ABCC2: variants seen among roughly 807,000 people sequenced by gnomAD.
ABCC2 encodes the protein ATP-binding cassette sub-family C member 2.
A neutral mutation model predicts 173.4 loss-of-function variants in ABCC2; 157 were observed. The observed-to-expected ratio is 0.91, with a 90% CI of 0.80 to 1.03. The LOEUF is 1.03. Among genes scored for constraint, ABCC2 ranks in the 50% least tolerant of loss-of-function variants. The pLI is 0.00. For missense variants in ABCC2, 1,822 were observed against 1,852.3 expected (o/e 0.98, Z 0.30); for synonymous variants, 657 against 693.5 (o/e 0.95, Z 0.83).
chr10:99,850,507 T>C (rs992577319), intron 30 of ABCC2, 95 bp from the exon 31 acceptor site: 2 of 1,290,354 alleles, frequency 1.5e-6, no homozygotes, highest in Non-Finnish European at 2.2e-6. Flanking sequence ...GGGGGGGTTT[T>C]GAAAGTCTGA....
Position 99,842,001 on chromosome 10 carries a change from C to G in ABCC2, c.3649C>G (p.Leu1217Val). The G allele has an allele frequency of 6.2e-7, 1 of 1,614,194 alleles. No homozygotes were observed. The highest frequency in any genetic ancestry group is 1.6e-4 in the Middle Eastern group (1 of 6,062). Residue 1217 changes from leucine to valine, a missense_variant, in exon 26 of 32, where the codon CTG (leucine) becomes GTG (valine). Physicochemically the swap from Leu to Val is conservative, Grantham distance 32. Transcript: ENST00000647814. ...LAIRLELVGN[L>V]TVFFSALMMV... ...AATTCGCCTGGAGCTGGTTGGGAAC[C>G]TGACTGTCTTCTTTTCAGCCTTGAT...
chr10:99,846,835 C>A, intron 29 of ABCC2, 126 bp from the exon 30 acceptor site: 1 of 1,353,254 alleles, frequency 7.4e-7, no homozygotes, highest in South Asian at 1.2e-5. Context: ...AGCTCAACCA[C>A]AAACCAGCTT....
intron 2 of ABCC2, among the ~76,000 whole-genome samples, chr10:99,786,432 GCTT>G (rs1401936554): frequency 1.3e-5 from 2 of 152,182 alleles, no homozygotes; most frequent in Non-Finnish European, 2.9e-5. Flanking sequence ...AAGTTGGGAG[GCTT>G]CTTCTACTTT....
At chr10:99,818,332 T>C (rs1010854497) in intron 17 of ABCC2, among the ~76,000 whole-genome samples, 1 of 152,134 alleles carries the variant, frequency 6.6e-6, no homozygotes, top group African/African-American at 2.4e-5. Flanking sequence ...GTTTTCATCC[T>C]CCCTCCCCAT....
At position 99,818,773 on chromosome 10, in the gene ABCC2, A is replaced by G. The variant is rs372367274; in HGVS notation, c.2272-17A>G. On this transcript the variant is annotated splice_polypyrimidine_tract_variant and intron_variant, in intron 17 of 31. Transcript: ENST00000647814. Reference sequence around the variant, plus strand: ...ATCTAGGGAGTAGTGCTTAATATGAATTATTTTCTTCTTCAGGGTATAAAT... The same window carrying G: ...ATCTAGGGAGTAGTGCTTAATATGAGTTATTTTCTTCTTCAGGGTATAAAT... The G allele has an allele frequency of 1.9e-4, 307 of 1,613,700 alleles. 1 individual carries two copies. The highest frequency in any genetic ancestry group is 1.9e-4 in the Non-Finnish European group (228 of 1,180,014).
intron 13 of ABCC2, among the ~76,000 whole-genome samples, chr10:99,809,024 G>T (rs1413681984): frequency 6.6e-6 from 1 of 152,188 alleles, no homozygotes; most frequent in African/African-American, 2.4e-5. Context: ...AAAGGTATCA[G>T]CTCCCTGCAT....
At chr10:99,830,901 C>T (rs745363629) in intron 21 of ABCC2, 50 bp downstream of exon 21, 1 of 1,610,746 alleles carries the variant, frequency 6.2e-7, no homozygotes, top group Non-Finnish European at 8.5e-7. Context: ...AGGTTTAGAA[C>T]CCAAAATTTT....
At position 99,843,329 on chromosome 10, in the gene ABCC2, G is replaced by T. The variant is rs896613555; in HGVS notation, c.3742-470G>T. ...ATGATTCCGTCCTCTGCTTTCTGTG[G>T]CTCCCTTTCTTTAACCACCATTTGC... On this transcript the variant is annotated intron_variant, in intron 26 of 31. Coordinates refer to ENST00000647814, the MANE Select transcript of ABCC2 (RefSeq NM_000392.5). Among the ~76,000 whole-genome samples, 5 of 152,310 alleles carry T rather than the reference G, an allele frequency of 3.3e-5. No homozygotes were observed. The East Asian group carries it at 9.6e-4, about 29-fold the overall frequency.
rs1221466902 is a variant in ABCC2, at chr10:99,817,383, G to C, written c.2170G>C (p.Glu724Gln). The C allele has an allele frequency of 2.5e-6, 4 of 1,614,020 alleles. No homozygotes were observed. The highest frequency in any genetic ancestry group is 3.4e-6 in the Non-Finnish European group (4 of 1,180,026). The change falls in exon 17 of 32, where the codon GAG (glutamate) becomes CAG (glutamine). Residue 724 changes from glutamate (E) to glutamine (Q), a missense_variant. Coordinates refer to ENST00000647814, the MANE Select transcript of ABCC2 (RefSeq NM_000392.5). The stretch of plus-strand genomic sequence containing the variant: ...AAAGGACAACATCCTTTTTGGAACA[G>C]AGTTTAATGAAAAGAGGTACCAGCA... ...TIKDNILFGTEFNEKRYQQVL... is the reference protein window; with the variant it reads ...TIKDNILFGTQFNEKRYQQVL...
intron 19 of ABCC2, among the ~76,000 whole-genome samples, chr10:99,819,953 G>A (rs1010774931): frequency 6.6e-6 from 1 of 152,218 alleles, no homozygotes; most frequent in Non-Finnish European, 1.5e-5. Context: ...TCAGGTGGTT[G>A]TCACCAGCAG....
chr10:99,828,510 G>C (rs913098017), intron 19 of ABCC2, among the ~76,000 whole-genome samples: 1 of 152,200 alleles, frequency 6.6e-6, no homozygotes, highest in African/African-American at 2.4e-5. Flanking sequence ...TAAGGTGTTA[G>C]GCAATAATCT....
chr10:99,806,428 C>T (rs2038106113), intron 11 of ABCC2, among the ~76,000 whole-genome samples: 1 of 152,160 alleles, frequency 6.6e-6, no homozygotes, highest in African/African-American at 2.4e-5. Context: ...TGGGAGCCTA[C>T]TTCAAACCAT....
At chr10:99,843,633 C>A in intron 26 of ABCC2, among the ~76,000 whole-genome samples, 166 bp from the exon 27 acceptor site, 1 of 152,200 alleles carries the variant, frequency 6.6e-6, no homozygotes, top group Non-Finnish European at 1.5e-5. Flanking sequence ...CTCTTAATTC[C>A]TTCCCCAAGG....
chr10:99,798,545 G>A (rs2037960476), intron 7 of ABCC2, among the ~76,000 whole-genome samples: 1 of 152,184 alleles, frequency 6.6e-6, no homozygotes, highest in Admixed American at 6.5e-5. Context: ...GAAACCTGGA[G>A]GGGAAAATCC....
At chr10:99,792,202 T>C (rs755517291) in intron 2 of ABCC2, 32 bp from the exon 3 acceptor site, 1 of 1,613,328 alleles carries the variant, frequency 6.2e-7, no homozygotes. Context: ...AAGAATGATA[T>C]CCTCTTAACA....
In ABCC2 at chr10:99,799,390, A is replaced by G; in HGVS notation, c.1031+20A>G. On this transcript the variant is annotated intron_variant, in intron 8 of 31. Coordinates refer to ENST00000647814, the MANE Select transcript of ABCC2 (RefSeq NM_000392.5). ...GCTGAAGTGAGTCTCCAGGCCTCAG[A>G]TGGTCCTTTCAGGGCCTCCTCTGCC... 1.2e-6 allele frequency: 2 copies of G among 1,613,912 alleles called. No homozygotes were observed. The highest frequency in any genetic ancestry group is 1.7e-6 in the Non-Finnish European group (2 of 1,179,936).
At chr10:99,805,737 G>GA (rs151154729) in intron 11 of ABCC2, among the ~76,000 whole-genome samples, 2,456 of 152,084 alleles carry the variant, frequency 0.016, 59 homozygotes, top group African/African-American at 0.049. Flanking sequence ...CCAGCTCCAG[G>GA]AATTATCAGC....
chr10:99,811,385 T>C, intron 14 of ABCC2, 151 bp from the exon 15 acceptor site: 1 of 766,510 alleles, frequency 1.3e-6, no homozygotes. Context: ...GGTCTCATTC[T>C]AGGAGATTTC....
rs147566977 is a variant in ABCC2, at chr10:99,831,735, G to T, written c.3008G>T (p.Trp1003Leu). 4.0e-4 allele frequency: 649 copies of T among 1,614,156 alleles called. No homozygotes were observed. Among genetic ancestry groups the T allele is most frequent in the Non-Finnish European group, 4.8e-4 (570 of 1,180,018 alleles). Residue 1003 changes from tryptophan to leucine, a missense_variant, in exon 22 of 32, where the codon TGG (tryptophan) becomes TTG (leucine). Trp to Leu is a moderately conservative substitution (Grantham distance 61). Transcript: ENST00000647814. ...FIGSNLWLSA[W>L]TSDSKIFNST... ...GGATCCAACCTCTGGCTCAGTGCTT[G>T]GACCAGTGACTCTAAAATCTTCAAT...
Sources: gnomAD v4.1 joint callset for allele counts (sites outside exome capture counted in the v4.1 genomes callset) on GRCh38, gnomAD v4.1.1 for gene constraint, MANE v1.5 for transcripts, NCBI Gene and HGNC (gene_info 2026-07-23, HGNC 2026-07-21) for gene names.